The following FTO variants were observed in gnomAD, a reference collection of about 807,000 sequenced individuals.
The protein encoded by FTO is FTO alpha-ketoglutarate dependent dioxygenase.
A neutral mutation model predicts 63.9 loss-of-function variants in FTO; 47 were observed. The observed-to-expected ratio is 0.74, with a 90% CI of 0.58 to 0.94. The LOEUF is 0.94. FTO is among the 40% of genes least tolerant of loss of function. The pLI, the probability that FTO is intolerant of heterozygous loss-of-function variation, is 0.00. For synonymous variants in FTO, 207 were observed against 224.4 expected (o/e 0.92, Z 0.69); for missense variants, 562 against 618.1 (o/e 0.91, Z 0.96).
intron 1 of FTO, among the ~76,000 whole-genome samples, chr16:53,737,334 G>A (rs1324731409): frequency 6.6e-6 from 1 of 152,056 alleles, no homozygotes; most frequent in African/African-American, 2.4e-5. Context: ...GCATTGTTAG[G>A]CAGTTTCATC....
At chr16:53,985,516 G>T (rs2083645524) in intron 8 of FTO, among the ~76,000 whole-genome samples, 1 of 152,164 alleles carries the variant, frequency 6.6e-6, no homozygotes, top group Non-Finnish European at 1.5e-5. Flanking sequence ...GGGACCCTTT[G>T]GGGTCTTTGC....
At chr16:53,763,979 G>A (rs1489081653) in intron 1 of FTO, among the ~76,000 whole-genome samples, 2 of 152,168 alleles carry the variant, frequency 1.3e-5, no homozygotes, top group Admixed American at 1.3e-4. Flanking sequence ...TTTAAATCCT[G>A]TCTTTGCCAC....
At chr16:53,830,331 G>A (rs1054974611) in intron 3 of FTO, among the ~76,000 whole-genome samples, 4 of 152,144 alleles carry the variant, frequency 2.6e-5, no homozygotes, top group Non-Finnish European at 5.9e-5. Flanking sequence ...GCTGGCAATT[G>A]CTTGTTACTC....
Position 54,093,805 on chromosome 16 carries a change from C to T in FTO, c.1365-17957C>T, listed in dbSNP as rs7199972. Among the ~76,000 whole-genome samples, 638 of 152,292 alleles carry T rather than the reference C, an allele frequency of 4.2e-3. 5 individuals are homozygous for T. Among genetic ancestry groups the T allele is most frequent in the African/African-American group, 0.014 (591 of 41,566 alleles). On this transcript the variant is annotated intron_variant, in intron 8 of 8. Transcript: ENST00000471389. ...TCCTCCACCCCACCCTGCCTTTGCC[C>T]CCATCTCTACCAGGCACGTGGCAAG... is the stretch of plus-strand genomic sequence containing the variant.
At chr16:54,111,658 G>T in intron 8 of FTO, 104 bp from the exon 9 acceptor site, 2 of 1,210,962 alleles carry the variant, frequency 1.7e-6, no homozygotes, top group Non-Finnish European at 2.5e-6. Context: ...CACCCCCGAG[G>T]ACTGTCTTTG....
At chr16:54,087,300 A>G (rs1309947500) in intron 8 of FTO, among the ~76,000 whole-genome samples, 3 of 152,224 alleles carry the variant, frequency 2.0e-5, no homozygotes, top group Non-Finnish European at 4.4e-5. Context: ...AGGGATGTAG[A>G]TAGGAAAAAG....
At chr16:53,999,405 A>G (rs907692218) in intron 8 of FTO, among the ~76,000 whole-genome samples, 7 of 152,184 alleles carry the variant, frequency 4.6e-5, no homozygotes, top group African/African-American at 1.7e-4. Flanking sequence ...CCTAATGCAT[A>G]AATCCCCTTA....
chr16:53,928,116 C>CA (rs1285799407), intron 7 of FTO, among the ~76,000 whole-genome samples: 3 of 152,080 alleles, frequency 2.0e-5, no homozygotes, highest in Non-Finnish European at 4.4e-5. Context: ...TAGGAGGTGA[C>CA]AGCGGGGATT....
chr16:53,763,266 A>G (rs927882412), intron 1 of FTO, among the ~76,000 whole-genome samples: 1 of 152,188 alleles, frequency 6.6e-6, no homozygotes, highest in Non-Finnish European at 1.5e-5. Flanking sequence ...TTAAATAAGG[A>G]TGAACCTTTT....
At chr16:54,095,896 C>T (rs1000315044) in intron 8 of FTO, among the ~76,000 whole-genome samples, 3 of 152,134 alleles carry the variant, frequency 2.0e-5, no homozygotes, top group African/African-American at 7.2e-5. Flanking sequence ...TGTGATGGTC[C>T]TTAGACTTCT....
intron 8 of FTO, among the ~76,000 whole-genome samples, chr16:54,099,914 T>C (rs1220320898): frequency 6.6e-6 from 1 of 152,182 alleles, no homozygotes; most frequent in African/African-American, 2.4e-5. Context: ...TGGAGCTGAA[T>C]TGAATGTTAG....
chr16:53,965,135 G>A (rs374068046), intron 8 of FTO, among the ~76,000 whole-genome samples: 27 of 152,130 alleles, frequency 1.8e-4, no homozygotes, highest in African/African-American at 6.3e-4. Context: ...GTGCAGTGGC[G>A]TGATCTCGGC....
At chr16:53,931,298 CTTTTTTTTTTTTT>C (rs869204000) in intron 7 of FTO, among the ~76,000 whole-genome samples, 1 of 101,964 alleles carries the variant, frequency 9.8e-6, no homozygotes, top group Non-Finnish European at 1.9e-5. Context: ...AACTATGTGA[CTTTTTTTTTTTTT>C]TTTTTTTTTT....
intron 7 of FTO, among the ~76,000 whole-genome samples, chr16:53,896,669 G>C (rs1383454346): frequency 6.6e-6 from 1 of 152,192 alleles, no homozygotes; most frequent in Non-Finnish European, 1.5e-5. Context: ...GGTATCACCA[G>C]TATTGATTTT....
chr16:53,781,202 TA>T (rs1450573810), intron 1 of FTO, among the ~76,000 whole-genome samples: 9 of 152,234 alleles, frequency 5.9e-5, no homozygotes, highest in Non-Finnish European at 1.3e-4. Flanking sequence ...TAAAGTAACT[TA>T]CCCAAGGCTA....
chr16:53,721,955 G>T (rs956928704), intron 1 of FTO, among the ~76,000 whole-genome samples: 1 of 152,050 alleles, frequency 6.6e-6, no homozygotes, highest in East Asian at 1.9e-4. Context: ...TCAGATAATT[G>T]ATGGTAAATT....
rs549354420 is a variant in FTO at position 53,858,716 on chromosome 16, A to G, written c.895+14418A>G. ...TGATCTGTCACCCAGGCTGGAGGGC[A>G]GTGGTGGGATCTCGGCTCACTGCAA... On this transcript the variant is annotated intron_variant, in intron 4 of 8. Coordinates refer to ENST00000471389, the MANE Select transcript of FTO (RefSeq NM_001080432.3). 2.0e-5 allele frequency among the ~76,000 whole-genome samples: 3 copies of G among 152,020 alleles called. No individual in the cohort carries two copies. The South Asian group carries it at 6.2e-4, about 32-fold the overall frequency.
At chr16:53,863,869 C>G (rs1413686943) in intron 4 of FTO, among the ~76,000 whole-genome samples, 1 of 152,212 alleles carries the variant, frequency 6.6e-6, no homozygotes, top group African/African-American at 2.4e-5. Flanking sequence ...CCTTCTTTGC[C>G]CTTCTTTAAT....
intron 8 of FTO, chr16:53,994,447 A>G (rs1451156923): frequency 1.3e-5 from 2 of 151,994 alleles, no homozygotes; most frequent in African/African-American, 4.8e-5. Flanking sequence ...TGTGGCCTCC[A>G]ACTCCTGAGC....
Sources: gnomAD v4.1 joint callset for allele counts (sites outside exome capture counted in the v4.1 genomes callset) on GRCh38, gnomAD v4.1.1 for gene constraint, MANE v1.5 for transcripts, NCBI Gene and HGNC (gene_info 2026-07-23, HGNC 2026-07-21) for gene names.